The following PRDM10 variants were observed in gnomAD, a reference collection of about 807,000 sequenced individuals.
The protein encoded by PRDM10 is PR/SET domain 10.
PRDM10 carries 65 observed loss-of-function variants against 133.1 expected under a neutral mutation model. That is an observed-to-expected ratio of 0.49 (90% CI 0.40 to 0.60). The LOEUF (loss-of-function observed/expected upper bound fraction) is 0.60. Among genes scored for constraint, PRDM10 ranks in the 20% least tolerant of loss-of-function variants. PRDM10 has a pLI of 0.00. For synonymous variants in PRDM10, 582 were observed against 580.4 expected (o/e 1.00, Z -0.04); for missense variants, 1,137 against 1,507.1 (o/e 0.75, Z 4.07).
chr11:130,002,203 G>A (rs926966102), intron 1 of PRDM10, among the ~76,000 whole-genome samples: 3 of 147,926 alleles, frequency 2.0e-5, no homozygotes, highest in South Asian at 2.1e-4. Context: ...CGCCGCGCCC[G>A]GAGCGCCCGC....
At chr11:129,971,437 C>G (rs889286719) in intron 1 of PRDM10, among the ~76,000 whole-genome samples, 13 of 152,150 alleles carry the variant, frequency 8.5e-5, no homozygotes, top group South Asian at 2.1e-4. Flanking sequence ...TACAGAGTGT[C>G]GACACAAAGG....
rs183258475 is a variant in PRDM10 at position 129,971,180 on chromosome 11, C to T, written c.-118-10098G>A. 2.0e-5 allele frequency among the ~76,000 whole-genome samples: 3 copies of T among 151,946 alleles called. No homozygotes were observed. In the East Asian group the frequency reaches 5.8e-4, roughly 29 times the overall value. On this transcript the variant is annotated intron_variant, in intron 1 of 20. Transcript: ENST00000360871. Reference sequence around the variant, plus strand: ...TACAGCTCTTAAAAGCAGTGTGAACCCAGAAAGAGCAGTAGCAAAATATAT... The same window carrying T: ...TACAGCTCTTAAAAGCAGTGTGAACTCAGAAAGAGCAGTAGCAAAATATAT...
At chr11:129,925,296 A>G (rs1950643362) in intron 11 of PRDM10, 67 bp from the exon 12 acceptor site, 1 of 1,397,228 alleles carries the variant, frequency 7.2e-7, no homozygotes, top group African/African-American at 1.4e-5. Context: ...TCACACTTTT[A>G]CAGAGAAAGA....
At chr11:129,920,534 G>T (rs1043019494) in intron 13 of PRDM10, among the ~76,000 whole-genome samples, 2 of 152,042 alleles carry the variant, frequency 1.3e-5, no homozygotes, top group African/African-American at 2.4e-5. Context: ...TGAAACGCTG[G>T]TAAGTCTAAT....
At chr11:129,940,060 G>A (rs1002513592) in intron 7 of PRDM10, among the ~76,000 whole-genome samples, 1 of 152,116 alleles carries the variant, frequency 6.6e-6, no homozygotes, top group Non-Finnish European at 1.5e-5. Flanking sequence ...CAGTGATGCA[G>A]GAAAAAGAAT....
chr11:129,946,035 G>A (rs942186200), intron 5 of PRDM10, among the ~76,000 whole-genome samples: 2 of 151,662 alleles, frequency 1.3e-5, no homozygotes, highest in East Asian at 1.9e-4. Flanking sequence ...TCAGGAGTTC[G>A]AGACCAGTCT....
intron 13 of PRDM10, among the ~76,000 whole-genome samples, chr11:129,922,137 A>C (rs1026915811): frequency 6.6e-6 from 1 of 152,236 alleles, no homozygotes; most frequent in African/African-American, 2.4e-5. Context: ...TAACATTCAC[A>C]GTGGCTTTGC....
Position 129,961,066 on chromosome 11 carries a change from G to T in PRDM10, c.-102C>A, listed in dbSNP as rs767541498. 33 of 996,500 alleles carry T rather than the reference G, an allele frequency of 3.3e-5. No individual in the cohort carries two copies. Among genetic ancestry groups the T allele is most frequent in the Non-Finnish European group, 3.3e-5 (22 of 660,942 alleles). The allele number at this position is 996,500 out of a possible 1,614,324, so 61.7% of individuals were successfully genotyped here. Reference sequence around the variant, plus strand: ...ACGTGTGTTCATGAAGGACGGAAAGGTCTGTCTGCAGCATGCCTGAGAAAA... The same window carrying T: ...ACGTGTGTTCATGAAGGACGGAAAGTTCTGTCTGCAGCATGCCTGAGAAAA... On this transcript the variant is annotated 5_prime_UTR_variant, in exon 2 of 21. Coordinates refer to ENST00000360871, the MANE Select transcript of PRDM10 (RefSeq NM_199437.2).
At chr11:129,934,664 C>A (rs1034572350) in intron 9 of PRDM10, among the ~76,000 whole-genome samples, 12 of 152,242 alleles carry the variant, frequency 7.9e-5, no homozygotes, top group African/African-American at 2.9e-4. Context: ...TAAGGCCCTA[C>A]CTGATCTGGC....
intron 1 of PRDM10, among the ~76,000 whole-genome samples, chr11:129,996,342 G>C (rs1027272197): frequency 6.6e-6 from 1 of 152,224 alleles, no homozygotes; most frequent in African/African-American, 2.4e-5. Context: ...CAGCCCGCAG[G>C]CGGCAGACAC....
At position 129,901,975 on chromosome 11, in the gene PRDM10, T is replaced by C; in HGVS notation, c.*338A>G. The C allele has an allele frequency of 4.7e-6, 1 of 213,358 alleles. No homozygotes were observed. The highest frequency in any genetic ancestry group is 9.4e-6 in the Non-Finnish European group (1 of 106,634). 13.2% of individuals were successfully genotyped at this position (213,358 alleles called of 1,614,324 possible). A position where few individuals can be genotyped will look rare whatever the true frequency, so the allele number is the denominator to read the frequency against. On this transcript the variant is annotated 3_prime_UTR_variant, in exon 21 of 21. Transcript: ENST00000360871. ...GCACATCCTGTCTCCACCTTTGGTA[T>C]GAACACAATATGCCACTTAATATTT...
At position 129,947,507 on chromosome 11, in the gene PRDM10, A is replaced by G; in HGVS notation, c.295-137T>C. ...ACCAACTCCTTCCAGGCCCTGGAAA[A>G]ATGACTTCCATCTACCGGCTGTGAG... On this transcript the variant is annotated intron_variant, in intron 4 of 20. Coordinates refer to ENST00000360871, the MANE Select transcript of PRDM10 (RefSeq NM_199437.2). This position sits in a 1 kb window ranked among gnomAD's most constrained non-coding sequence, Gnocchi z 4.6. 2.0e-6 allele frequency: 3 copies of G among 1,522,050 alleles called. No homozygotes were observed. The highest frequency in any genetic ancestry group is 2.6e-6 in the Non-Finnish European group (3 of 1,136,514). 94.3% of individuals were successfully genotyped at this position (1,522,050 alleles called of 1,614,324 possible).
chr11:129,930,975 T>C (rs1950833718), intron 11 of PRDM10, 41 bp downstream of exon 11: 1 of 1,559,516 alleles, frequency 6.4e-7, no homozygotes, highest in African/African-American at 1.4e-5. Flanking sequence ...GGGAGGAAGA[T>C]GAGCGGCTGG....
Position 129,918,598 on chromosome 11 carries a change from C to T in PRDM10, c.2155G>A (p.Asp719Asn), listed in dbSNP as rs1486222419. 3.7e-6 allele frequency: 6 copies of T among 1,614,196 alleles called. No homozygotes were observed. Among genetic ancestry groups the T allele is most frequent in the East Asian group, 2.2e-5 (1 of 44,880 alleles). Residue 719 changes from aspartate (D) to asparagine (N), a missense_variant, in exon 14 of 21, where the codon GAC becomes AAC. Around this residue, in one of 6 missense-constraint regions of PRDM10, gnomAD observed 78 missense variants for 96.4 expected, o/e 0.81. Transcript: ENST00000360871. The surrounding 1 kb of genome is among the most constrained non-coding windows in gnomAD (Gnocchi z 5.3). ...FKPRITSTDY[D>N]SFTFKCRLCM... ...AGGCGGCACTTGAACGTGAAGCTGT[C>T]GTAGTCTGTGGACGTGATGCGGGGC...
At chr11:129,922,469 C>CA (rs1950547021) in intron 13 of PRDM10, among the ~76,000 whole-genome samples, 1 of 152,140 alleles carries the variant, frequency 6.6e-6, no homozygotes, top group South Asian at 2.1e-4. Context: ...AACACACTTA[C>CA]CATAAAACCA....
chr11:129,947,108 C>CT lies in PRDM10; in HGVS notation c.520+36_520+37insA. The CT allele has an allele frequency of 1.2e-6, 2 of 1,606,278 alleles. No homozygotes were observed. The highest frequency in any genetic ancestry group is 1.7e-6 in the Non-Finnish European group (2 of 1,175,580). ...CACGTACACAGACACACAAGATGGA[C>CT]ACAGCTTCCCTGGGGGAGACCCGTG... On this transcript the variant is annotated intron_variant, in intron 5 of 20. Transcript: ENST00000360871. This position sits in a 1 kb window ranked among gnomAD's most constrained non-coding sequence, Gnocchi z 4.6.
At chr11:129,985,549 T>G (rs976502747) in intron 1 of PRDM10, among the ~76,000 whole-genome samples, 3 of 151,842 alleles carry the variant, frequency 2.0e-5, no homozygotes, top group Non-Finnish European at 2.9e-5. Flanking sequence ...CCCAGCACTT[T>G]GGGAGGCCGA....
At chr11:129,956,999 A>G (rs1951707738) in intron 3 of PRDM10, among the ~76,000 whole-genome samples, 1 of 152,254 alleles carries the variant, frequency 6.6e-6, no homozygotes, top group South Asian at 2.1e-4. Context: ...AAAAAATAAA[A>G]TAAAAGCAGC....
At chr11:129,971,149 G>A (rs1184390257) in intron 1 of PRDM10, among the ~76,000 whole-genome samples, 2 of 152,154 alleles carry the variant, frequency 1.3e-5, no homozygotes, top group Admixed American at 6.6e-5. Flanking sequence ...CCTTCGCGGT[G>A]AGTGTTACAG....
Sources: allele counts gnomAD v4.1 joint callset (sites outside exome capture counted in the v4.1 genomes callset), GRCh38; gene constraint gnomAD v4.1.1; regional missense constraint gnomAD v4.1.1; non-coding constraint Gnocchi (gnomAD v3.1); transcripts MANE v1.5; gene names NCBI Gene and HGNC (gene_info 2026-07-23, HGNC 2026-07-21).